ASIC2: variants seen among roughly 807,000 people sequenced by gnomAD.
ASIC2 encodes acid sensing ion channel subunit 2, also known as acid-sensing ion channel 2.
Under a neutral mutation model 57.3 loss-of-function variants are expected in ASIC2, and 25 were observed. The observed-to-expected ratio is 0.44, with a 90% CI of 0.32 to 0.61. ASIC2 has a LOEUF of 0.61. Among genes scored for constraint, ASIC2 ranks in the 20% least tolerant of loss-of-function variants. ASIC2 has a pLI of 0.06. For synonymous variants in ASIC2, 319 were observed against 307.5 expected (o/e 1.04, Z -0.39); for missense variants, 641 against 738.1 (o/e 0.87, Z 1.52).
chr17:33,013,136 A>G lies in ASIC2; in HGVS notation c.*829T>C, dbSNP rs2091786685. 1 of 152,382 alleles carries G rather than the reference A, an allele frequency of 6.6e-6. No homozygotes were observed. Among genetic ancestry groups the G allele is most frequent in the African/African-American group, 2.4e-5 (1 of 41,470 alleles). 9.4% of individuals were successfully genotyped at this position (152,382 alleles called of 1,614,324 possible). A position where few individuals can be genotyped will look rare whatever the true frequency, so the allele number is the denominator to read the frequency against. On this transcript the variant is annotated 3_prime_UTR_variant, in exon 10 of 10. Transcript: ENST00000225823. ...TGACTGTGATTTGAAGCACGAATAA[A>G]TAAATGCCAAAGAAAATGGAAAAAC...
intron 1 of ASIC2, among the ~76,000 whole-genome samples, chr17:33,516,346 A>ATG (rs33997140): frequency 1.9e-4 from 29 of 149,802 alleles, no homozygotes; most frequent in South Asian, 4.3e-4. Flanking sequence ...GTGTGTTTGT[A>ATG]TGTGTGTGTG....
intron 1 of ASIC2, among the ~76,000 whole-genome samples, chr17:33,799,435 T>TTTCTTTCTTTCTTCC (rs1567719077): frequency 1.4e-4 from 6 of 43,014 alleles, no homozygotes; most frequent in African/African-American, 5.2e-4. Context: ...TTCTTCTTTC[T>TTTCTTTCTTTCTTCC]TTCTTTCTTT....
At chr17:33,343,958 G>A (rs1226760050) in intron 1 of ASIC2, among the ~76,000 whole-genome samples, 1 of 152,180 alleles carries the variant, frequency 6.6e-6, no homozygotes, top group Admixed American at 6.5e-5. Flanking sequence ...CATTTGTCAA[G>A]GCTTGAATTC....
intron 1 of ASIC2, among the ~76,000 whole-genome samples, chr17:33,571,610 G>A (rs1214273364): frequency 1.3e-5 from 2 of 152,240 alleles, no homozygotes; most frequent in Admixed American, 1.3e-4. Flanking sequence ...TGTGTGAAAT[G>A]CTATGAAGGT....
chr17:33,412,934 A>AC (rs1158807852), intron 1 of ASIC2, among the ~76,000 whole-genome samples: 3 of 151,286 alleles, frequency 2.0e-5, no homozygotes, highest in Non-Finnish European at 1.5e-5. Context: ...CGTGCAAGGA[A>AC]CCCCCCACCT....
intron 1 of ASIC2, among the ~76,000 whole-genome samples, chr17:34,116,522 GGT>G (rs1459858837): frequency 6.6e-6 from 1 of 152,154 alleles, no homozygotes; most frequent in Non-Finnish European, 1.5e-5. Context: ...TGTCTGCTAA[GGT>G]GTTAAAGAAA....
intron 1 of ASIC2, among the ~76,000 whole-genome samples, chr17:33,618,162 T>C (rs1905667530): frequency 6.6e-6 from 1 of 151,952 alleles, no homozygotes; most frequent in African/African-American, 2.4e-5. Context: ...ATTCTGCTTG[T>C]ATGACAATGG....
At chr17:33,688,929 G>T (rs1465565157) in intron 1 of ASIC2, 1 of 152,220 alleles carries the variant, frequency 6.6e-6, no homozygotes, top group Non-Finnish European at 1.5e-5. Flanking sequence ...AGGACGCTAT[G>T]ACTGTTGGCA....
chr17:34,049,780 G>C (rs889463437), intron 1 of ASIC2, among the ~76,000 whole-genome samples: 2 of 152,276 alleles, frequency 1.3e-5, no homozygotes, highest in Admixed American at 1.3e-4. Context: ...ACCCTTCAGA[G>C]AATCTTCCTC....
chr17:33,228,550 T>C (rs192423769), intron 1 of ASIC2, among the ~76,000 whole-genome samples: 39 of 152,352 alleles, frequency 2.6e-4, no homozygotes, highest in Middle Eastern at 3.4e-3. Flanking sequence ...CCACACAATA[T>C]GTCTCCCACT....
At chr17:33,437,897 C>T (rs62068473) in intron 1 of ASIC2, among the ~76,000 whole-genome samples, 41,169 of 152,052 alleles carry the variant, frequency 0.27, 5,636 homozygotes, top group South Asian at 0.35. Context: ...GGCCTCTAGA[C>T]ATTTGAAGAG....
At chr17:33,433,022 T>C (rs561985031) in intron 1 of ASIC2, among the ~76,000 whole-genome samples, 13 of 152,288 alleles carry the variant, frequency 8.5e-5, no homozygotes, top group African/African-American at 3.1e-4. Context: ...AAAACAGAAC[T>C]ACCATTCAAC....
intron 1 of ASIC2, among the ~76,000 whole-genome samples, chr17:33,505,236 G>A (rs1597755291): frequency 6.6e-6 from 1 of 152,028 alleles, no homozygotes; most frequent in Admixed American, 6.5e-5. Flanking sequence ...AGCAACAAGA[G>A]TGAGACCCAA....
chr17:34,023,237 C>T (rs1176906393), intron 1 of ASIC2, among the ~76,000 whole-genome samples: 2 of 152,030 alleles, frequency 1.3e-5, no homozygotes, highest in Non-Finnish European at 2.9e-5. Context: ...ACTCACTGAC[C>T]TTTCTCTTTC....
chr17:33,995,149 A>G (rs1303667245), intron 1 of ASIC2, among the ~76,000 whole-genome samples: 1 of 152,130 alleles, frequency 6.6e-6, no homozygotes, highest in Non-Finnish European at 1.5e-5. Context: ...AGACAGTAAC[A>G]CCAACAGCTC....
Position 33,255,768 on chromosome 17 carries a change from A to G in ASIC2, c.708+35640T>C, listed in dbSNP as rs186155134. 2.0e-3 allele frequency among the ~76,000 whole-genome samples: 310 copies of G among 152,342 alleles called. 2 individuals carry two copies. The highest frequency in any genetic ancestry group is 3.4e-3 in the Non-Finnish European group (234 of 68,032). The stretch of plus-strand genomic sequence containing the variant: ...GACTAAGGTGTTTATAATTAATAAT[A>G]TAAGATTTCAGGCATGTCAAAATGT... On this transcript the variant is annotated intron_variant, in intron 1 of 9. Transcript: ENST00000225823.
chr17:34,140,357 G>A (rs11870173), intron 1 of ASIC2, among the ~76,000 whole-genome samples: 2,781 of 152,312 alleles, frequency 0.018, 90 homozygotes, highest in African/African-American at 0.063. Flanking sequence ...CGGCATCTGT[G>A]TAAATTCCTG....
At chr17:33,993,037 G>A (rs1381510966) in intron 1 of ASIC2, among the ~76,000 whole-genome samples, 3 of 152,146 alleles carry the variant, frequency 2.0e-5, no homozygotes, top group Non-Finnish European at 4.4e-5. Flanking sequence ...GTGGGTATTG[G>A]ATATCAGTAT....
At chr17:33,392,177 T>C (rs887684521) in intron 1 of ASIC2, among the ~76,000 whole-genome samples, 24 of 17,490 alleles carry the variant, frequency 1.4e-3, no homozygotes, top group African/African-American at 4.1e-3. Context: ...CTTTCTTCCT[T>C]CCTTCCTTCC....
Sources: allele counts gnomAD v4.1 joint callset (sites outside exome capture counted in the v4.1 genomes callset), GRCh38; gene constraint gnomAD v4.1.1; transcripts MANE v1.5; gene names NCBI Gene and HGNC (gene_info 2026-07-23, HGNC 2026-07-21).